Variants in EFCAB13 observed in about 807,000 individuals in gnomAD.
The protein encoded by EFCAB13 is EF-hand calcium binding domain 13.
EFCAB13 carries 91 observed loss-of-function variants against 110.2 expected under a neutral mutation model. The observed-to-expected ratio is 0.83, with a 90% CI of 0.70 to 0.98. The LOEUF (loss-of-function observed/expected upper bound fraction) is 0.98. Ranked by LOEUF, EFCAB13 falls within the 50% of genes least tolerant of loss-of-function variation. The probability of loss-of-function intolerance (pLI) is 0.00; values close to 1 mark genes in which losing one functional copy is unlikely to be tolerated. For missense variants in EFCAB13, 968 were observed against 1,119.4 expected (o/e 0.86, Z 1.93); for synonymous variants, 323 against 369.9 (o/e 0.87, Z 1.45).
chr17:47,338,243 G>GTTTT (rs11334311), intron 5 of EFCAB13, among the ~76,000 whole-genome samples: 1 of 137,794 alleles, frequency 7.3e-6, no homozygotes, highest in Non-Finnish European at 1.6e-5. Context: ...GTCACTACTA[G>GTTTT]TTTTTTTTTT....
At chr17:47,408,489 A>G (rs2065816835) in intron 20 of EFCAB13, among the ~76,000 whole-genome samples, 1 of 151,900 alleles carries the variant, frequency 6.6e-6, no homozygotes, top group African/African-American at 2.4e-5. Flanking sequence ...CGTCTCTACT[A>G]AAAAAATACA....
chr17:47,403,746 G>A (rs1471131869), intron 18 of EFCAB13, 132 bp from the exon 19 acceptor site: 8 of 692,620 alleles, frequency 1.2e-5, no homozygotes, highest in East Asian at 6.5e-5. Context: ...AGAATTCTAT[G>A]AGGGGAGAAT....
At chr17:47,364,037 G>T (rs1453691489) in intron 10 of EFCAB13, among the ~76,000 whole-genome samples, 1 of 152,192 alleles carries the variant, frequency 6.6e-6, no homozygotes, top group African/African-American at 2.4e-5. Flanking sequence ...GGCTTATGGA[G>T]TTCTGGCCTG....
chr17:47,394,047 A>G lies in EFCAB13; in HGVS notation c.1749A>G (p.Lys583=). 3.9e-6 allele frequency: 6 copies of G among 1,555,200 alleles called. No individual in the cohort carries two copies. Among genetic ancestry groups the G allele is most frequent in the South Asian group, 1.3e-5 (1 of 78,050 alleles). The change falls in exon 16 of 25, where the codon AAA becomes AAG. Residue 583 remains lysine, a synonymous_variant. Coordinates refer to ENST00000331493, the MANE Select transcript of EFCAB13 (RefSeq NM_152347.5). The part of the protein sequence containing the change: ...EAGETKKVNF[K]EFIDTMMSNT... ...TAGAAACAAAAAAAGTGAATTTTAAAGAATTCATTGATACTATGATGAGCA... is the reference window on the plus strand; with the variant it reads ...TAGAAACAAAAAAAGTGAATTTTAAGGAATTCATTGATACTATGATGAGCA...
At chr17:47,377,659 TATAAA>T (rs1372430649) in intron 12 of EFCAB13, 102 bp from the exon 13 acceptor site, 2 of 936,984 alleles carry the variant, frequency 2.1e-6, no homozygotes, top group African/African-American at 3.4e-5. Context: ...TATAAGGTAA[TATAAA>T]ATAGATAAAA....
intron 16 of EFCAB13, among the ~76,000 whole-genome samples, chr17:47,395,141 C>T (rs1420674481): frequency 6.6e-6 from 1 of 152,084 alleles, no homozygotes; most frequent in African/African-American, 2.4e-5. Flanking sequence ...GTCTTGCCTC[C>T]GTGTACTTTT....
chr17:47,423,133 G>T (rs988005689), intron 23 of EFCAB13, among the ~76,000 whole-genome samples: 1 of 152,070 alleles, frequency 6.6e-6, no homozygotes, highest in African/African-American at 2.4e-5. Flanking sequence ...GTATCATTTT[G>T]CTAAAAATGA....
Position 47,413,650 on chromosome 17 carries a change from T to C in EFCAB13, c.2422+734T>C, listed in dbSNP as rs551447695. ...CAATTTTTATGTTTTGATCTCAGTT[T>C]TCTCACATCATCAGAGTGGTATAAA... On this transcript the variant is annotated intron_variant, in intron 22 of 24. Transcript: ENST00000331493. 2.6e-5 allele frequency among the ~76,000 whole-genome samples: 4 copies of C among 152,338 alleles called. 1 individual carries two copies. The South Asian group carries it at 8.3e-4, about 32-fold the overall frequency.
chr17:47,390,630 T>C (rs1325746375), intron 14 of EFCAB13, among the ~76,000 whole-genome samples: 1 of 152,166 alleles, frequency 6.6e-6, no homozygotes, highest in African/African-American at 2.4e-5. Context: ...AATATGTATA[T>C]TTAGAAAGAT....
intron 16 of EFCAB13, among the ~76,000 whole-genome samples, chr17:47,394,468 G>A (rs1050395882): frequency 5.3e-5 from 8 of 152,214 alleles, no homozygotes; most frequent in Non-Finnish European, 1.2e-4. Flanking sequence ...GGTTACATCT[G>A]TCCCCATTTC....
At chr17:47,362,664 G>A (rs2065522061) in intron 10 of EFCAB13, among the ~76,000 whole-genome samples, 1 of 152,176 alleles carries the variant, frequency 6.6e-6, no homozygotes, top group Non-Finnish European at 1.5e-5. Context: ...CTGCCTTCAT[G>A]TTCCATCCTG....
chr17:47,387,807 A>G (rs1278037251), intron 14 of EFCAB13, among the ~76,000 whole-genome samples: 1 of 152,114 alleles, frequency 6.6e-6, no homozygotes, highest in African/African-American at 2.4e-5. Context: ...TTCCCAGGGT[A>G]TATATGCTTA....
intron 23 of EFCAB13, among the ~76,000 whole-genome samples, chr17:47,416,577 C>T (rs550113761): frequency 8.5e-5 from 13 of 152,150 alleles, no homozygotes; most frequent in Non-Finnish European, 1.9e-4. Flanking sequence ...AACCCTTTCC[C>T]CTTCTCCCCC....
chr17:47,371,776 G>A (rs2065586234), intron 11 of EFCAB13, among the ~76,000 whole-genome samples: 1 of 152,032 alleles, frequency 6.6e-6, no homozygotes, highest in African/African-American at 2.4e-5. Flanking sequence ...ACCATGCCCG[G>A]CTAATATTTG....
At chr17:47,329,301 A>T (rs951357255) in intron 4 of EFCAB13, among the ~76,000 whole-genome samples, 8 of 152,002 alleles carry the variant, frequency 5.3e-5, no homozygotes, top group African/African-American at 1.9e-4. Context: ...GGGTGGGGGG[A>T]TTCCTTTAAC....
intron 2 of EFCAB13, 93 bp downstream of exon 2, chr17:47,324,616 T>C (rs2065269973): frequency 6.6e-6 from 1 of 152,048 alleles, no homozygotes; most frequent in Non-Finnish European, 1.5e-5. Flanking sequence ...TGGAGTTGTG[T>C]ATGCAGTTGG....
intron 23 of EFCAB13, among the ~76,000 whole-genome samples, chr17:47,421,782 TC>T (rs1391557857): frequency 3.3e-5 from 5 of 152,152 alleles, no homozygotes; most frequent in Non-Finnish European, 7.3e-5. Context: ...AAGAATAAAT[TC>T]CTTGAAAAAC....
intron 24 of EFCAB13, among the ~76,000 whole-genome samples, chr17:47,433,605 G>T (rs3956021): frequency 1.3e-5 from 2 of 152,138 alleles, no homozygotes; most frequent in African/African-American, 4.8e-5. Flanking sequence ...CAGATGAATT[G>T]CTAGCCTGTA....
intron 9 of EFCAB13, among the ~76,000 whole-genome samples, chr17:47,353,010 A>G (rs570320959): frequency 2.6e-5 from 4 of 152,276 alleles, no homozygotes; most frequent in African/African-American, 2.4e-5. Flanking sequence ...GTATAAGATT[A>G]TATCATCAAC....
Sources: allele counts gnomAD v4.1 joint callset (sites outside exome capture counted in the v4.1 genomes callset), GRCh38; gene constraint gnomAD v4.1.1; transcripts MANE v1.5; gene names NCBI Gene and HGNC (gene_info 2026-07-23, HGNC 2026-07-21).